LOXL2: variants seen among roughly 807,000 people sequenced by gnomAD.
LOXL2 encodes the protein lysyl oxidase like 2, also known as lysyl oxidase homolog 2.
LOXL2 carries 70 observed loss-of-function variants against 93.0 expected under a neutral mutation model. The ratio of observed to expected loss-of-function variants is 0.75; its 90% CI spans 0.62 to 0.92. The LOEUF (loss-of-function observed/expected upper bound fraction) is 0.92, where lower values mean the gene tolerates loss of function less well. Ranked by LOEUF, LOXL2 falls within the 40% of genes least tolerant of loss-of-function variation. The pLI is 0.00. For missense variants in LOXL2, 973 were observed against 1,054.9 expected, an observed-to-expected ratio of 0.92 and a Z score of 1.08; for synonymous variants, 438 against 413.2, an observed-to-expected ratio of 1.06 and a Z score of -0.73.
Position 23,298,911 on chromosome 8 carries a change from C to A in LOXL2, c.2170G>T (p.Asp724Tyr), listed in dbSNP as rs1300155887. Residue 724 changes from aspartate to tyrosine, a missense_variant, in exon 13 of 14, where the codon GAT becomes TAT. Asp to Tyr is a radical substitution (Grantham distance 160). Coordinates refer to ENST00000389131, the MANE Select transcript of LOXL2 (RefSeq NM_002318.3). The part of the protein sequence containing the change: ...INPNFEVAES[D>Y]YSNNIMKCRS... ...CATTTCATGATGTTGTTGGAGTAAT[C>A]GGATTCTGCAACCTCGAAGTTGGGG... 1.2e-6 allele frequency: 2 copies of A among 1,613,762 alleles called. No individual in the cohort carries two copies. Among genetic ancestry groups the A allele is most frequent in the South Asian group, 2.2e-5 (2 of 91,058 alleles).
chr8:23,378,330 C>T (rs543785036), intron 1 of LOXL2, among the ~76,000 whole-genome samples: 428 of 152,270 alleles, frequency 2.8e-3, no homozygotes, highest in Middle Eastern at 6.8e-3. Flanking sequence ...GATGGGTTTC[C>T]TTTTGTGGGT....
chr8:23,333,255 G>A lies in LOXL2; in HGVS notation c.966+146C>T, dbSNP rs2294130. 9,697 of 695,714 alleles carry A rather than the reference G, an allele frequency of 0.014. 869 individuals carry two copies. The East Asian group carries it at 0.21, about 15-fold the overall frequency. The allele number at this position is 695,714 out of a possible 1,614,324, so 43.1% of individuals were successfully genotyped here. A position where few individuals can be genotyped will look rare whatever the true frequency, so the allele number is the denominator to read the frequency against. The stretch of plus-strand genomic sequence containing the variant: ...CAGGTGGTCCTTCTCTGCAGAGGGC[G>A]CTCAGGTCTCAGAGTAAAGCAGCCA... On this transcript the variant is annotated intron_variant, in intron 5 of 13. Transcript: ENST00000389131.
Position 23,297,737 on chromosome 8 carries a change from C to A in LOXL2, c.*306G>T. 4.3e-6 allele frequency: 1 copy of A among 233,916 alleles called. No individual in the cohort carries two copies. The highest frequency in any genetic ancestry group is 8.1e-6 in the Non-Finnish European group (1 of 123,556). 14.5% of individuals were successfully genotyped at this position (233,916 alleles called of 1,614,324 possible). A position where few individuals can be genotyped will look rare whatever the true frequency, so the allele number is the denominator to read the frequency against. On this transcript the variant is annotated 3_prime_UTR_variant, in exon 14 of 14. Coordinates refer to ENST00000389131, the MANE Select transcript of LOXL2 (RefSeq NM_002318.3). ...AGCTCGGTGGCTTGAATGGGACAAG[C>A]TGATGACAACCTGTCTGTGGGCCTC...
intron 5 of LOXL2, chr8:23,328,943 T>A: frequency 4.9e-6 from 1 of 204,148 alleles, no homozygotes; most frequent in Non-Finnish European, 9.9e-6. Flanking sequence ...CAGAGCCTCA[T>A]GCTTCAGAGC....
intron 8 of LOXL2, among the ~76,000 whole-genome samples, chr8:23,318,521 A>G (rs541629140): frequency 6.7e-4 from 102 of 151,622 alleles, no homozygotes; most frequent in African/African-American, 2.4e-3. Flanking sequence ...ACCAATACCC[A>G]CCTCCATCCT....
intron 10 of LOXL2, among the ~76,000 whole-genome samples, chr8:23,304,728 A>G (rs566580098): frequency 6.6e-6 from 1 of 152,282 alleles, no homozygotes; most frequent in South Asian, 2.1e-4. Flanking sequence ...CACTCCCATC[A>G]TAGCAGTCAC....
At chr8:23,302,280 C>G in intron 11 of LOXL2, 117 bp from the exon 12 acceptor site, 1 of 1,188,480 alleles carries the variant, frequency 8.4e-7, no homozygotes. Flanking sequence ...TCCCACCCCA[C>G]TGTGTGGGCT....
At chr8:23,344,609 A>C (rs1330315001) in intron 3 of LOXL2, among the ~76,000 whole-genome samples, 1 of 151,718 alleles carries the variant, frequency 6.6e-6, no homozygotes, top group Non-Finnish European at 1.5e-5. Context: ...GTCTGTGTGC[A>C]TGATGATGTA....
chr8:23,399,602 A>C (rs1308737764), intron 1 of LOXL2, among the ~76,000 whole-genome samples: 1 of 152,212 alleles, frequency 6.6e-6, no homozygotes, highest in Non-Finnish European at 1.5e-5. Flanking sequence ...CCCACCAGCA[A>C]GAAGGCCCTC....
At chr8:23,314,318 A>ATGC (rs1304989449) in intron 9 of LOXL2, among the ~76,000 whole-genome samples, 1 of 142,684 alleles carries the variant, frequency 7.0e-6, no homozygotes, top group African/African-American at 2.6e-5. Flanking sequence ...ACTATAAATC[A>ATGC]TGCTGCTATA....
intron 3 of LOXL2, among the ~76,000 whole-genome samples, chr8:23,344,528 A>G (rs1308299708): frequency 6.6e-6 from 1 of 151,124 alleles, no homozygotes; most frequent in African/African-American, 2.4e-5. Context: ...CTGCATGTCC[A>G]TGTGTCATAT....
At chr8:23,367,263 G>A (rs1200810016) in intron 2 of LOXL2, among the ~76,000 whole-genome samples, 1 of 152,092 alleles carries the variant, frequency 6.6e-6, no homozygotes, top group Non-Finnish European at 1.5e-5. Flanking sequence ...TGGCCAGGCT[G>A]GTCTCGAACT....
At chr8:23,402,049 TACAC>T (rs1171788922) in intron 1 of LOXL2, among the ~76,000 whole-genome samples, 2 of 151,222 alleles carry the variant, frequency 1.3e-5, no homozygotes, top group African/African-American at 4.9e-5. Context: ...TGCACACACA[TACAC>T]ACAAGTGCAC....
At chr8:23,384,546 T>C (rs1804728855) in intron 1 of LOXL2, among the ~76,000 whole-genome samples, 1 of 152,144 alleles carries the variant, frequency 6.6e-6, no homozygotes, top group Admixed American at 6.6e-5. Flanking sequence ...CTCGAGGAGT[T>C]GGACAGACTT....
At chr8:23,384,829 G>A (rs557064607) in intron 1 of LOXL2, among the ~76,000 whole-genome samples, 126 of 152,228 alleles carry the variant, frequency 8.3e-4, no homozygotes, top group Admixed American at 2.0e-3. Flanking sequence ...CAGGAGAATC[G>A]CTGGAACCCA....
chr8:23,306,169 C>T (rs1419547901), intron 10 of LOXL2, among the ~76,000 whole-genome samples: 4 of 152,120 alleles, frequency 2.6e-5, no homozygotes, highest in Non-Finnish European at 5.9e-5. Context: ...GGATGCAAAA[C>T]GGATGGCAGA....
chr8:23,397,595 G>A (rs1299722661), intron 1 of LOXL2, among the ~76,000 whole-genome samples: 15 of 151,992 alleles, frequency 9.9e-5, no homozygotes, highest in South Asian at 4.2e-4. Flanking sequence ...TGGCTAACAC[G>A]GTGAAACCCT....
chr8:23,386,902 G>A (rs1804770971), intron 1 of LOXL2, among the ~76,000 whole-genome samples: 1 of 152,184 alleles, frequency 6.6e-6, no homozygotes, highest in Non-Finnish European at 1.5e-5. Context: ...CAAGGGGAAG[G>A]CCTCCCAAGG....
chr8:23,383,448 G>A (rs893704998), intron 1 of LOXL2, among the ~76,000 whole-genome samples: 3 of 152,022 alleles, frequency 2.0e-5, no homozygotes, highest in African/African-American at 7.3e-5. Context: ...GGAGCTCTGT[G>A]CTTCATACTT....
Sources: gnomAD v4.1 joint callset for allele counts (sites outside exome capture counted in the v4.1 genomes callset) on GRCh38, gnomAD v4.1.1 for gene constraint, MANE v1.5 for transcripts, NCBI Gene and HGNC (gene_info 2026-07-23, HGNC 2026-07-21) for gene names.